CCDC144A: variants seen among roughly 807,000 people sequenced by gnomAD.
CCDC144A encodes the protein coiled-coil domain-containing protein 144A.
A neutral mutation model predicts 143.8 loss-of-function variants in CCDC144A; 41 were observed. The ratio of observed to expected loss-of-function variants is 0.29; its 90% CI spans 0.22 to 0.37. The LOEUF (loss-of-function observed/expected upper bound fraction) is 0.37. Ranked by LOEUF, CCDC144A falls within the 10% of genes least tolerant of loss-of-function variation. The probability of loss-of-function intolerance (pLI) is 1.00; values close to 1 mark genes in which losing one functional copy is unlikely to be tolerated. For synonymous variants in CCDC144A, 242 were observed against 517.9 expected (o/e 0.47, Z 7.23); for missense variants, 637 against 1,488.8 (o/e 0.43, Z 9.41).
Position 16,768,303 on chromosome 17 carries a change from CTT to C in CCDC144A, c.4099-3673_4099-3672del, listed in dbSNP as rs1386195228. 1.6e-3 allele frequency among the ~76,000 whole-genome samples: 248 copies of C among 152,264 alleles called. 1 individual carries two copies. Among genetic ancestry groups the C allele is most frequent in the African/African-American group, 5.6e-3 (233 of 41,526 alleles). ...GAGTTTCTTGAGATCCCCAATAAAA[CTT>C]GTTTAATACCAAACAGGTCCTATTA... On this transcript the variant is annotated intron_variant, in intron 15 of 16. Transcript: ENST00000399273.
At chr17:16,709,703 T>C in intron 5 of CCDC144A, 68 bp downstream of exon 5, 1 of 1,502,840 alleles carries the variant, frequency 6.7e-7, no homozygotes, top group Non-Finnish European at 8.9e-7. Flanking sequence ...GATTTTCCAC[T>C]TAGGAAAAGC....
chr17:16,667,287 G>GC, the CCDC144A span, among the ~76,000 whole-genome samples: 11,762 of 146,802 alleles, frequency 0.08, 663 homozygotes, highest in East Asian at 0.19. Flanking sequence ...GGGCTGAGGG[G>GC]TTGAGGCGGC....
chr17:16,708,809 A>T lies in CCDC144A; in HGVS notation c.752A>T (p.Glu251Val), dbSNP rs1912204035. ...TTGCATCTGCAGAAAACGTCTCAAG[A>T]ACCAGAAATGGCTAAGGATTGCGAT... is the stretch of plus-strand genomic sequence containing the variant. ...ENKQPQKTSQ[E>V]PEMAKDCDRE... Residue 251 changes from glutamate to valine, a missense_variant, in exon 5 of 17, where the codon GAA (glutamate) becomes GTA (valine). Glu to Val is a moderately radical substitution (Grantham distance 121). Coordinates refer to ENST00000399273, the MANE Select transcript of CCDC144A (RefSeq NM_001382000.1). 6.2e-7 allele frequency: 1 copy of T among 1,611,816 alleles called. No homozygotes were observed. Among genetic ancestry groups the T allele is most frequent in the Non-Finnish European group, 8.5e-7 (1 of 1,179,744 alleles).
chr17:16,769,860 C>G (rs1915756243), intron 15 of CCDC144A, among the ~76,000 whole-genome samples: 1 of 151,778 alleles, frequency 6.6e-6, no homozygotes, highest in African/African-American at 2.4e-5. Flanking sequence ...CAGAGTCTCA[C>G]TCTGTCTCCC....
the CCDC144A span, among the ~76,000 whole-genome samples, chr17:16,680,201 G>A: frequency 6.6e-6 from 1 of 151,894 alleles, no homozygotes; most frequent in African/African-American, 2.4e-5. Context: ...GGCCGAGGTG[G>A]GAGGATCACT....
chr17:16,730,036 A>C lies in CCDC144A; in HGVS notation c.2106-1764A>C, dbSNP rs1318662716. Among the ~76,000 whole-genome samples the C allele has an allele frequency of 3.2e-5, 4 of 125,814 alleles. No homozygotes were observed. The Admixed American group carries it at 3.3e-4, about 10-fold the overall frequency. The allele number at this position is 125,814 out of a possible 152,430, so 82.5% of individuals were successfully genotyped here. ...TTTTTTTTGGTAGAGATGAGGTCTC[A>C]TTATGTTGCCCAGGCTGGTCTCAAA... is the stretch of plus-strand genomic sequence containing the variant. On this transcript the variant is annotated intron_variant, in intron 9 of 16. Transcript: ENST00000399273.
chr17:16,723,479 T>C (rs1913211131), intron 8 of CCDC144A, among the ~76,000 whole-genome samples: 1 of 152,222 alleles, frequency 6.6e-6, no homozygotes, highest in Non-Finnish European at 1.5e-5. Context: ...TTTTATTGGT[T>C]TCATCTTTGA....
intron 6 of CCDC144A, among the ~76,000 whole-genome samples, chr17:16,712,418 G>A (rs1157327943): frequency 1.3e-5 from 2 of 151,982 alleles, no homozygotes; most frequent in Non-Finnish European, 2.9e-5. Flanking sequence ...GGGTAATTTA[G>A]TAGCATGTAT....
chr17:16,698,232 C>G (rs1441709471), intron 2 of CCDC144A, among the ~76,000 whole-genome samples: 1 of 152,020 alleles, frequency 6.6e-6, no homozygotes, highest in Non-Finnish European at 1.5e-5. Context: ...GAAGCCTGAG[C>G]CGTGGCTAAA....
chr17:16,700,859 G>A (rs1191196630), intron 2 of CCDC144A, among the ~76,000 whole-genome samples: 1 of 152,070 alleles, frequency 6.6e-6, no homozygotes, highest in Admixed American at 6.5e-5. Flanking sequence ...GTGGGATAAA[G>A]TAGGCATAAT....
At chr17:16,678,953 C>T in the CCDC144A span, among the ~76,000 whole-genome samples, 5 of 151,982 alleles carry the variant, frequency 3.3e-5, no homozygotes, top group South Asian at 1.1e-3. Context: ...CGGGTTTCTC[C>T]ATGTTGGTCA....
chr17:16,712,607 T>C (rs1294151118), intron 6 of CCDC144A, among the ~76,000 whole-genome samples: 6 of 152,022 alleles, frequency 3.9e-5, no homozygotes, highest in South Asian at 2.1e-4. Context: ...GTATATATGA[T>C]ATATTTATGT....
chr17:16,726,198 G>T (rs1225428158), intron 8 of CCDC144A, among the ~76,000 whole-genome samples: 3 of 151,454 alleles, frequency 2.0e-5, no homozygotes, highest in Non-Finnish European at 4.4e-5. Flanking sequence ...CTAACACGGT[G>T]AAACACCATC....
At chr17:16,702,127 A>G (rs1285356580) in intron 2 of CCDC144A, among the ~76,000 whole-genome samples, 4 of 152,192 alleles carry the variant, frequency 2.6e-5, no homozygotes, top group Non-Finnish European at 4.4e-5. Context: ...ATGAAAAATA[A>G]TTTTGTTTTC....
chr17:16,760,004 G>T (rs1323241554), intron 12 of CCDC144A, among the ~76,000 whole-genome samples: 7 of 152,210 alleles, frequency 4.6e-5, no homozygotes, highest in African/African-American at 7.2e-5. Flanking sequence ...TTCGAAGCTG[G>T]CTTTTGGCTG....
At chr17:16,725,001 A>ATTT (rs1383994087) in intron 8 of CCDC144A, among the ~76,000 whole-genome samples, 5 of 57,546 alleles carry the variant, frequency 8.7e-5, no homozygotes, top group Non-Finnish European at 1.7e-4. Flanking sequence ...TATAGCTGGT[A>ATTT]ATTTTTTTTT....
chr17:16,708,870 T>C lies in CCDC144A; in HGVS notation c.813T>C (p.His271=). 1 of 1,611,794 alleles carries C rather than the reference T, an allele frequency of 6.2e-7. No individual in the cohort carries two copies. The highest frequency in any genetic ancestry group is 8.5e-7 in the Non-Finnish European group (1 of 1,179,744). ...EDIPIYPVLP[H]VQKSEEMWIE... ...TACCTATATATCCAGTACTTCCTCA[T>C]GTGCAAAAATCTGAGGAAATGTGGA... Residue 271 remains histidine (H), a synonymous_variant, in exon 5 of 17, where the codon CAT becomes CAC. Coordinates refer to ENST00000399273, the MANE Select transcript of CCDC144A (RefSeq NM_001382000.1).
rs1414183635 is a variant in CCDC144A at position 16,690,751 on chromosome 17, G to T, written c.344+7G>T. On this transcript the variant is annotated splice_region_variant and intron_variant, in intron 1 of 16. Transcript: ENST00000399273. The stretch of plus-strand genomic sequence containing the variant: ...AGAGGGATAGGAAGAAGAGGTAATG[G>T]CCAGGCGAAGGATGCGCCGTCCTGT... The T allele has an allele frequency of 3.1e-6, 5 of 1,594,516 alleles. No homozygotes were observed. In the African/African-American group the frequency reaches 6.7e-5, roughly 21 times the overall value.
intron 12 of CCDC144A, among the ~76,000 whole-genome samples, chr17:16,744,741 T>G (rs1914415746): frequency 6.6e-6 from 1 of 151,984 alleles, no homozygotes; most frequent in Non-Finnish European, 1.5e-5. Context: ...TTTTTTTTTT[T>G]CTTTAACAAA....
Sources: allele counts gnomAD v4.1 joint callset (sites outside exome capture counted in the v4.1 genomes callset), GRCh38; gene constraint gnomAD v4.1.1; transcripts MANE v1.5; gene names NCBI Gene and HGNC (gene_info 2026-07-23, HGNC 2026-07-21).